Variants in TENM3 observed in about 807,000 individuals in gnomAD.
TENM3 encodes teneurin-3.
TENM3 carries 63 observed loss-of-function variants against 255.1 expected under a neutral mutation model. That is an observed-to-expected ratio of 0.25 (90% CI 0.20 to 0.30). The LOEUF (loss-of-function observed/expected upper bound fraction) is 0.30. Among genes scored for constraint, TENM3 ranks in the 10% least tolerant of loss-of-function variants. The pLI, the probability that TENM3 is intolerant of heterozygous loss-of-function variation, is 1.00. For synonymous variants in TENM3, 1,306 were observed against 1,322.3 expected, an observed-to-expected ratio of 0.99 and a Z score of 0.27; for missense variants, 2,929 against 3,461.1, an observed-to-expected ratio of 0.85 and a Z score of 3.86.
At position 182,324,246 on chromosome 4, in the gene TENM3, A is replaced by G. The variant is rs1763252285; in HGVS notation, c.226A>G (p.Arg76Gly). The change falls in exon 2 of 28, where the codon AGA becomes GGA. Residue 76 changes from arginine to glycine, a missense_variant. By Grantham distance (125) the Arg-to-Gly change is moderately radical. Coordinates refer to ENST00000511685, the MANE Select transcript of TENM3 (RefSeq NM_001080477.4). ...TCACAGAGAAGCAGACGAGTTCACTAGACAAGGTGGGTAACTGTCCTAGTA... is the reference window on the plus strand; with the variant it reads ...TCACAGAGAAGCAGACGAGTTCACTGGACAAGGTGGGTAACTGTCCTAGTA... Reference protein sequence around the residue: ...LVHREADEFTRQGQNFTLRQL... With the variant: ...LVHREADEFTGQGQNFTLRQL... The G allele has an allele frequency of 6.2e-7, 1 of 1,611,046 alleles. No homozygotes were observed. The highest frequency in any genetic ancestry group is 1.3e-5 in the African/African-American group (1 of 74,884).
At chr4:181,605,480 G>GAGAAAGAAAGAAAGAAAGAA in the TENM3 span, among the ~76,000 whole-genome samples, 4 of 63,972 alleles carry the variant, frequency 6.3e-5, no homozygotes, top group African/African-American at 1.4e-4. Flanking sequence ...GAGAGAAACA[G>GAGAAAGAAAGAAAGAAAGAA]AGAAAGAAAG....
chr4:181,878,866 T>C, the TENM3 span, among the ~76,000 whole-genome samples: 3 of 152,180 alleles, frequency 2.0e-5, no homozygotes, highest in African/African-American at 4.8e-5. Context: ...TGTCTATCTA[T>C]CTATCTACCT....
chr4:182,367,873 A>G (rs1388105167), intron 3 of TENM3, among the ~76,000 whole-genome samples: 1 of 152,204 alleles, frequency 6.6e-6, no homozygotes, highest in Non-Finnish European at 1.5e-5. Flanking sequence ...TCAGGATCAA[A>G]AGATGGAAGG....
chr4:181,667,485 C>T, the TENM3 span, among the ~76,000 whole-genome samples: 2 of 152,082 alleles, frequency 1.3e-5, no homozygotes, highest in Non-Finnish European at 2.9e-5. Flanking sequence ...GAGGTGGGAC[C>T]ATTAAAAAGT....
the TENM3 span, among the ~76,000 whole-genome samples, chr4:181,497,947 C>T: frequency 2.6e-5 from 4 of 152,160 alleles, no homozygotes; most frequent in Non-Finnish European, 4.4e-5. Flanking sequence ...TTGAGTTACA[C>T]ATAGTCAACT....
the TENM3 span, among the ~76,000 whole-genome samples, chr4:181,812,777 A>T: frequency 6.6e-6 from 1 of 152,140 alleles, no homozygotes; most frequent in Admixed American, 6.5e-5. Context: ...GATCCAGAGG[A>T]ATTTGGTTCA....
chr4:182,160,287 C>G (rs1449772924), intron 1 of TENM3, among the ~76,000 whole-genome samples: 2 of 152,222 alleles, frequency 1.3e-5, no homozygotes, highest in Admixed American at 6.5e-5. Flanking sequence ...CAGGCGTGAG[C>G]CACCGCGCCC....
At chr4:182,359,986 GTC>G (rs1765846182) in intron 3 of TENM3, among the ~76,000 whole-genome samples, 1 of 152,142 alleles carries the variant, frequency 6.6e-6, no homozygotes, top group African/African-American at 2.4e-5. Context: ...GTACCCAATA[GTC>G]ATTCAGGAGC....
chr4:182,576,846 G>T (rs112601184), intron 3 of TENM3, among the ~76,000 whole-genome samples: 2,040 of 152,290 alleles, frequency 0.013, 51 homozygotes, highest in African/African-American at 0.046. Flanking sequence ...ACCTTATCAT[G>T]TATTTGCTTA....
chr4:182,787,514 A>C (rs549463269), intron 24 of TENM3, among the ~76,000 whole-genome samples: 5 of 152,160 alleles, frequency 3.3e-5, no homozygotes, highest in African/African-American at 1.2e-4. Flanking sequence ...TGGGTGGATC[A>C]CCTGAGGTCA....
At chr4:181,711,036 C>T in the TENM3 span, among the ~76,000 whole-genome samples, 108 of 152,136 alleles carry the variant, frequency 7.1e-4, no homozygotes, top group Non-Finnish European at 2.5e-4. Context: ...CCTCACCATT[C>T]GCACTAGACC....
chr4:181,885,462 C>T, the TENM3 span, among the ~76,000 whole-genome samples: 8 of 152,088 alleles, frequency 5.3e-5, no homozygotes, highest in Non-Finnish European at 1.0e-4. Context: ...AGGGTTTCAC[C>T]ATGTTGGCCA....
the TENM3 span, among the ~76,000 whole-genome samples, chr4:182,106,209 C>T: frequency 6.6e-6 from 1 of 152,186 alleles, no homozygotes; most frequent in Non-Finnish European, 1.5e-5. Flanking sequence ...TACCTGGAAT[C>T]TCAGCACTTT....
chr4:181,716,096 A>T, the TENM3 span, among the ~76,000 whole-genome samples: 1 of 152,206 alleles, frequency 6.6e-6, no homozygotes, highest in Non-Finnish European at 1.5e-5. Flanking sequence ...AAAATGAAGG[A>T]AGCATCTATG....
chr4:181,628,408 C>T, the TENM3 span, among the ~76,000 whole-genome samples: 2 of 152,108 alleles, frequency 1.3e-5, no homozygotes, highest in Non-Finnish European at 2.9e-5. Context: ...AGTCCTTGCC[C>T]ATGCCTATGT....
chr4:182,394,326 A>G (rs1004287321), intron 3 of TENM3, among the ~76,000 whole-genome samples: 9 of 152,166 alleles, frequency 5.9e-5, no homozygotes, highest in Non-Finnish European at 1.2e-4. Context: ...CCCCCCACCT[A>G]TGAAAGCAAA....
chr4:181,950,287 A>G, the TENM3 span, among the ~76,000 whole-genome samples: 1 of 151,836 alleles, frequency 6.6e-6, no homozygotes, highest in Non-Finnish European at 1.5e-5. Flanking sequence ...AAATCCTACA[A>G]AATGGCCCCA....
chr4:182,374,071 A>T (rs1767020363), intron 3 of TENM3, among the ~76,000 whole-genome samples: 1 of 152,130 alleles, frequency 6.6e-6, no homozygotes, highest in Admixed American at 6.5e-5. Context: ...AGTAACTCTA[A>T]CGGGAGCTAC....
chr4:182,698,846 GT>G (rs1166691004), intron 12 of TENM3, among the ~76,000 whole-genome samples: 1 of 152,208 alleles, frequency 6.6e-6, no homozygotes, highest in African/African-American at 2.4e-5. Context: ...GGACAGGTGT[GT>G]TGTTTTGGGA....
Sources: allele counts gnomAD v4.1 joint callset (sites outside exome capture counted in the v4.1 genomes callset), GRCh38; gene constraint gnomAD v4.1.1; transcripts MANE v1.5; gene names NCBI Gene and HGNC (gene_info 2026-07-23, HGNC 2026-07-21).